Variants in ZBTB20 observed in about 807,000 individuals in gnomAD.
ZBTB20 encodes the protein zinc finger and BTB domain containing 20.
In ZBTB20, 9 loss-of-function variants were observed where a neutral mutation model predicts 56.9. That is an observed-to-expected ratio of 0.16 (90% CI 0.10 to 0.28). The LOEUF (loss-of-function observed/expected upper bound fraction) is 0.28. ZBTB20 is among the 10% of genes least tolerant of loss of function. The pLI, the probability that ZBTB20 is intolerant of heterozygous loss-of-function variation, is 1.00. For missense variants in ZBTB20, 655 were observed against 1,003.0 expected (o/e 0.65, Z 4.69); for synonymous variants, 417 against 420.7 (o/e 0.99, Z 0.11).
chr3:114,492,464 T>C (rs979422430), intron 7 of ZBTB20, among the ~76,000 whole-genome samples: 32 of 152,290 alleles, frequency 2.1e-4, no homozygotes, highest in East Asian at 3.9e-4. Context: ...CCAGGAGTCA[T>C]TGTTGCCACT....
chr3:114,618,839 G>A (rs9840094), intron 6 of ZBTB20, among the ~76,000 whole-genome samples: 24,836 of 152,158 alleles, frequency 0.16, 2,270 homozygotes, highest in Admixed American at 0.26. Flanking sequence ...TGTTCATGAT[G>A]TACCTCTGAC....
intron 4 of ZBTB20, among the ~76,000 whole-genome samples, chr3:114,806,860 C>T (rs547379407): frequency 1.8e-4 from 27 of 152,040 alleles, no homozygotes; most frequent in Middle Eastern, 6.8e-3. Flanking sequence ...CAGAGCACTG[C>T]TTATTGAAAA....
chr3:114,849,462 C>T (rs2074886797), intron 4 of ZBTB20, among the ~76,000 whole-genome samples: 1 of 152,154 alleles, frequency 6.6e-6, no homozygotes. Flanking sequence ...CATTAAAATG[C>T]TTTCTACCAA....
chr3:114,417,727 T>C (rs1160203745), intron 7 of ZBTB20, among the ~76,000 whole-genome samples: 1 of 152,052 alleles, frequency 6.6e-6, no homozygotes, highest in Non-Finnish European at 1.5e-5. Context: ...GAGCAAAAAA[T>C]CTTGCTCTGT....
chr3:115,075,990 C>T (rs1334985825), intron 1 of ZBTB20, among the ~76,000 whole-genome samples: 1 of 151,276 alleles, frequency 6.6e-6, no homozygotes, highest in African/African-American at 2.4e-5. Flanking sequence ...AACAAGGAAC[C>T]ATCTGAAAAA....
intron 7 of ZBTB20, among the ~76,000 whole-genome samples, chr3:114,464,240 G>A (rs778921849): frequency 5.9e-5 from 9 of 152,110 alleles, no homozygotes; most frequent in Non-Finnish European, 1.3e-4. Flanking sequence ...CATTATCACT[G>A]AGGTGAAAGT....
intron 6 of ZBTB20, among the ~76,000 whole-genome samples, chr3:114,663,623 T>C (rs1363644451): frequency 6.6e-6 from 1 of 151,606 alleles, no homozygotes; most frequent in Admixed American, 6.6e-5. Context: ...GACCCATCAG[T>C]GTGCTATATT....
intron 5 of ZBTB20, among the ~76,000 whole-genome samples, chr3:114,726,609 T>A (rs1157099968): frequency 6.6e-6 from 1 of 152,166 alleles, no homozygotes; most frequent in Non-Finnish European, 1.5e-5. Flanking sequence ...GGAGAACCAC[T>A]GCTTTAGAAG....
chr3:114,780,902 C>T (rs1205222482), intron 5 of ZBTB20, among the ~76,000 whole-genome samples: 1 of 152,160 alleles, frequency 6.6e-6, no homozygotes, highest in East Asian at 1.9e-4. Context: ...TTCTGTATTA[C>T]CAACATGCTA....
intron 2 of ZBTB20, among the ~76,000 whole-genome samples, chr3:115,054,431 A>C (rs2081674873): frequency 6.6e-6 from 1 of 152,132 alleles, no homozygotes; most frequent in Non-Finnish European, 1.5e-5. Flanking sequence ...TGAAGAACTT[A>C]GGCTTAGAGA....
intron 3 of ZBTB20, among the ~76,000 whole-genome samples, chr3:114,957,026 GGGCAAAGGT>G (rs2077270654): frequency 1.3e-5 from 2 of 152,164 alleles, no homozygotes; most frequent in African/African-American, 4.8e-5. Flanking sequence ...TGGCAACAGA[GGGCAAAGGT>G]GGCAGTTAGG....
intron 4 of ZBTB20, among the ~76,000 whole-genome samples, chr3:114,843,409 G>A (rs1268894785): frequency 6.6e-6 from 1 of 152,092 alleles, no homozygotes; most frequent in Non-Finnish European, 1.5e-5. Context: ...TTATACAGTA[G>A]AGAAAAATCA....
intron 5 of ZBTB20, among the ~76,000 whole-genome samples, chr3:114,735,328 T>G (rs1334993245): frequency 6.6e-6 from 1 of 152,130 alleles, no homozygotes; most frequent in African/African-American, 2.4e-5. Flanking sequence ...GAAAAATGTC[T>G]GGATCAAATA....
intron 4 of ZBTB20, among the ~76,000 whole-genome samples, chr3:114,857,593 A>C (rs2075309785): frequency 6.6e-6 from 1 of 152,156 alleles, no homozygotes; most frequent in South Asian, 2.1e-4. Context: ...GATGAGTTAC[A>C]TGACATCTCC....
intron 6 of ZBTB20, among the ~76,000 whole-genome samples, chr3:114,616,406 G>A (rs2057946825): frequency 1.3e-5 from 2 of 152,130 alleles, no homozygotes; most frequent in African/African-American, 2.4e-5. Flanking sequence ...ATTATCCTTT[G>A]GTTGGTGATG....
At chr3:114,427,944 A>C (rs1185488570) in intron 7 of ZBTB20, among the ~76,000 whole-genome samples, 2 of 152,206 alleles carry the variant, frequency 1.3e-5, no homozygotes, top group African/African-American at 4.8e-5. Flanking sequence ...GAATATTCAC[A>C]AAGAGCTGAA....
At chr3:114,812,842 G>A (rs938763325) in intron 4 of ZBTB20, among the ~76,000 whole-genome samples, 2 of 152,216 alleles carry the variant, frequency 1.3e-5, no homozygotes, top group African/African-American at 4.8e-5. Context: ...GCCCTGCCCC[G>A]CGGGAAGGCA....
intron 7 of ZBTB20, among the ~76,000 whole-genome samples, chr3:114,413,852 T>C (rs921283274): frequency 6.6e-6 from 1 of 152,092 alleles, no homozygotes; most frequent in African/African-American, 2.4e-5. Flanking sequence ...AATGGCAGAT[T>C]TGGGATTTGA....
At chr3:114,503,222 T>C (rs983131815) in intron 6 of ZBTB20, among the ~76,000 whole-genome samples, 2 of 152,138 alleles carry the variant, frequency 1.3e-5, no homozygotes, top group Non-Finnish European at 2.9e-5. Flanking sequence ...AGAGAAAAAT[T>C]ACAGTGTGTA....
Sources: gnomAD v4.1 joint callset for allele counts (sites outside exome capture counted in the v4.1 genomes callset) on GRCh38, gnomAD v4.1.1 for gene constraint, MANE v1.5 for transcripts, NCBI Gene and HGNC (gene_info 2026-07-23, HGNC 2026-07-21) for gene names.